Variants in DHX38 observed in about 807,000 individuals in gnomAD.
DHX38 encodes DEAH-box helicase 38, also known as pre-mRNA-splicing factor ATP-dependent RNA helicase PRP16.
A neutral mutation model predicts 153.1 loss-of-function variants in DHX38; 100 were observed. That is an observed-to-expected ratio of 0.65 (90% confidence interval 0.56 to 0.77). The LOEUF (loss-of-function observed/expected upper bound fraction) is 0.77, where lower values mean the gene tolerates loss of function less well. Ranked by LOEUF, DHX38 falls within the 30% of genes least tolerant of loss-of-function variation. The probability of loss-of-function intolerance (pLI) is 0.00; values close to 1 mark genes in which losing one functional copy is unlikely to be tolerated. For missense variants in DHX38, 1,440 were observed against 1,654.0 expected (o/e 0.87, Z 2.24); for synonymous variants, 650 against 631.7 (o/e 1.03, Z -0.43).
At chr16:72,098,455 T>C (rs754124913) in intron 4 of DHX38, among the ~76,000 whole-genome samples, 190 bp from the exon 5 acceptor site, 3 of 152,042 alleles carry the variant, frequency 2.0e-5, no homozygotes, top group Non-Finnish European at 2.9e-5. Context: ...AAAGGAAAAA[T>C]ACATCCTGGA....
rs1470105108 is a variant in DHX38 at position 72,098,994 on chromosome 16, G to T, written c.832G>T (p.Ala278Ser). 6.2e-7 allele frequency: 1 copy of T among 1,613,620 alleles called. No homozygotes were observed. ...PTPSYKYNEWADDRRHLGSTP... is the reference protein window; with the variant it reads ...PTPSYKYNEWSDDRRHLGSTP... ...TCCCTCCTACAAATATAACGAGTGG[G>T]CCGATGACAGAAGACACTTGGGGTC... Residue 278 changes from alanine to serine, a missense_variant, in exon 6 of 27, where the codon GCC (alanine) becomes TCC (serine). Ala to Ser is a moderately conservative substitution (Grantham distance 99). Coordinates refer to ENST00000268482, the MANE Select transcript of DHX38 (RefSeq NM_014003.4).
chr16:72,106,861 G>T (rs974152138), intron 19 of DHX38, among the ~76,000 whole-genome samples: 8 of 152,256 alleles, frequency 5.3e-5, no homozygotes, highest in African/African-American at 1.7e-4. Flanking sequence ...CTAGTCCCAG[G>T]CCCATTGGTT....
Position 72,097,707 on chromosome 16 carries a change from G to C in DHX38, c.542G>C (p.Arg181Thr). Residue 181 changes from arginine (R) to threonine (T), a missense_variant, in exon 4 of 27, where the codon AGA (arginine) becomes ACA (threonine). Physicochemically the swap from Arg to Thr is moderately conservative, Grantham distance 71. Transcript: ENST00000268482. ...CGGGATAGAAGTAGGCACAGCAGCA[G>C]ATCAGAGCGAGATGGAGGGTCAGAG... ...DERDRSRHSS[R>T]SERDGGSERS... 4 of 1,614,154 alleles carry C rather than the reference G, an allele frequency of 2.5e-6. No homozygotes were observed. The highest frequency in any genetic ancestry group is 3.4e-6 in the Non-Finnish European group (4 of 1,180,002).
intron 25 of DHX38, among the ~76,000 whole-genome samples, chr16:72,110,467 A>T (rs948367505): frequency 6.6e-6 from 1 of 152,118 alleles, no homozygotes; most frequent in African/African-American, 2.4e-5. Flanking sequence ...CTTCCCTGAT[A>T]GGTTTCCACT....
chr16:72,105,420 C>G, intron 17 of DHX38, 72 bp downstream of exon 17: 1 of 1,600,144 alleles, frequency 6.2e-7, no homozygotes, highest in Non-Finnish European at 8.6e-7. Flanking sequence ...TGTGACTGTC[C>G]TGGCAGGGGG....
intron 3 of DHX38, 31 bp downstream of exon 3, chr16:72,097,040 A>G (rs1275599159): frequency 3.2e-6 from 5 of 1,568,456 alleles, no homozygotes; most frequent in Non-Finnish European, 4.3e-6. Context: ...CCTATTGTCC[A>G]TTAGCATTCG....
intron 5 of DHX38, 25 bp from the exon 6 acceptor site, chr16:72,098,902 G>A (rs1453105743): frequency 1.2e-6 from 2 of 1,614,176 alleles, no homozygotes; most frequent in East Asian, 2.2e-5. Flanking sequence ...TGACAGTTTT[G>A]TGATGCTGGT....
At position 72,098,711 on chromosome 16, in the gene DHX38, C is replaced by T; in HGVS notation, c.683C>T (p.Ser228Leu). 6.2e-7 allele frequency: 1 copy of T among 1,613,986 alleles called. No individual in the cohort carries two copies. The highest frequency in any genetic ancestry group is 8.5e-7 in the Non-Finnish European group (1 of 1,179,996). The change falls in exon 5 of 27, where the codon TCA becomes TTA. Residue 228 changes from serine to leucine, a missense_variant. Physicochemically the swap from Ser to Leu is moderately radical, Grantham distance 145. Around this residue, in one of 6 missense-constraint regions of DHX38, gnomAD observed 483 missense variants for 465.1 expected, o/e 1.04. Transcript: ENST00000268482. Reference sequence around the variant, plus strand: ...AGTGGCTATGGCTCCTCAAGGCGCTCACAGTGGGAATCGCCCTCCCCGACG... The same window carrying T: ...AGTGGCTATGGCTCCTCAAGGCGCTTACAGTGGGAATCGCCCTCCCCGACG... ...EDSGYGSSRR[S>L]QWESPSPTPS... is the part of the protein sequence containing the mutation.
In DHX38 at chr16:72,103,640, G is replaced by A; in HGVS notation, c.1676G>A (p.Ser559Asn). The A allele has an allele frequency of 6.2e-7, 1 of 1,612,798 alleles. No individual in the cohort carries two copies. The highest frequency in any genetic ancestry group is 1.1e-5 in the South Asian group (1 of 91,074). Residue 559 changes from serine to asparagine, a missense_variant, in exon 13 of 27, where the codon AGT (serine) becomes AAT (asparagine). Coordinates refer to ENST00000268482, the MANE Select transcript of DHX38 (RefSeq NM_014003.4). Reference protein sequence around the residue: ...SIVIVVGETGSGKTTQLTQYL... With the variant: ...SIVIVVGETGNGKTTQLTQYL... ...GTGATCGTGGTTGGGGAGACGGGGA[G>A]TGGTAAGACCACTCAGCTGACGCAG...
chr16:72,102,905 G>A (rs1049891005), intron 11 of DHX38, among the ~76,000 whole-genome samples, 169 bp from the exon 12 acceptor site: 1 of 152,196 alleles, frequency 6.6e-6, no homozygotes, highest in Non-Finnish European at 1.5e-5. Flanking sequence ...TCAAGTAGCA[G>A]TTTCAGTCCT....
chr16:72,102,986 C>T, intron 11 of DHX38, 88 bp from the exon 12 acceptor site: 1 of 1,553,366 alleles, frequency 6.4e-7, no homozygotes, highest in South Asian at 1.2e-5. Context: ...AGTCCTCATT[C>T]CTGAGCGTAG....
Position 72,099,720 on chromosome 16 carries a change from C to T in DHX38, c.961-12C>T. On this transcript the variant is annotated splice_polypyrimidine_tract_variant and intron_variant, in intron 7 of 26. Coordinates refer to ENST00000268482, the MANE Select transcript of DHX38 (RefSeq NM_014003.4). ...TGTCCCTCACTCCCTTGCTTTGCCT[C>T]CTGCCCTGCAGCAAGCCGATCGGGA... The T allele has an allele frequency of 4.3e-6, 7 of 1,613,902 alleles. No homozygotes were observed. Among genetic ancestry groups the T allele is most frequent in the Non-Finnish European group, 5.1e-6 (6 of 1,179,880 alleles).
Position 72,104,251 on chromosome 16 carries a change from C to A in DHX38, c.2010+120C>A. The A allele has an allele frequency of 1.5e-6, 2 of 1,325,674 alleles. No individual in the cohort carries two copies. Among genetic ancestry groups the A allele is most frequent in the Non-Finnish European group, 2.0e-6 (2 of 977,816 alleles). 82.1% of individuals were successfully genotyped at this position (1,325,674 alleles called of 1,614,324 possible). A position where few individuals can be genotyped will look rare whatever the true frequency, so the allele number is the denominator to read the frequency against. On this transcript the variant is annotated intron_variant, in intron 14 of 26. Transcript: ENST00000268482. The surrounding 1 kb of genome is among the most constrained non-coding windows in gnomAD (Gnocchi z 4.5). ...TCTGGTAGGCCAGAGGTTCCTGAGG[C>A]CTCTGGTTGCAGTTCAGACTCGGGT...
At chr16:72,108,186 C>T (rs761420739) in intron 21 of DHX38, 41 bp from the exon 22 acceptor site, 3 of 1,603,536 alleles carry the variant, frequency 1.9e-6, no homozygotes, top group Non-Finnish European at 2.6e-6. Context: ...TGGGCCTGGA[C>T]CCCCCTGTAC....
At position 72,103,163 on chromosome 16, in the gene DHX38, A is replaced by G. The variant is rs764198658; in HGVS notation, c.1589A>G (p.Gln530Arg). ...AAGAAGTCCATCCTGGAGCAGAGGCAGTACCTGCCCATCTTTGCAGTGCAG... is the reference window on the plus strand; with the variant it reads ...AAGAAGTCCATCCTGGAGCAGAGGCGGTACCTGCCCATCTTTGCAGTGCAG... ...AKKKSILEQR[Q>R]YLPIFAVQQE... Residue 530 changes from glutamine to arginine, a missense_variant, in exon 12 of 27, where the codon CAG becomes CGG. This residue lies in a region of DHX38 where 241 missense variants were observed against 229.5 expected (regional missense o/e 1.05). Transcript: ENST00000268482. 1.2e-6 allele frequency: 2 copies of G among 1,614,258 alleles called. No homozygotes were observed. The highest frequency in any genetic ancestry group is 4.5e-5 in the East Asian group (2 of 44,892).
intron 18 of DHX38, 113 bp from the exon 19 acceptor site, chr16:72,105,892 C>G (rs1359129239): frequency 1.1e-6 from 1 of 948,984 alleles, no homozygotes; most frequent in South Asian, 1.5e-5. Context: ...ATTTCTAGAG[C>G]CTCCTGGCTC....
intron 18 of DHX38, 72 bp downstream of exon 18, chr16:72,105,696 G>C (rs1278340995): frequency 5.4e-6 from 8 of 1,474,928 alleles, no homozygotes; most frequent in Admixed American, 3.4e-5. Flanking sequence ...TGGGAAGCCA[G>C]GGCCTCGCTC....
chr16:72,102,577 G>A (rs2042115890), intron 11 of DHX38, among the ~76,000 whole-genome samples: 1 of 152,192 alleles, frequency 6.6e-6, no homozygotes, highest in Admixed American at 6.5e-5. Flanking sequence ...ACAGTTCTTT[G>A]AAAACAAAAC....
rs1200820767 is a variant in DHX38 at position 72,108,351 on chromosome 16, A to C, written c.3089A>C (p.Asp1030Ala). ...AATTACTCCACCATCTGGTGTAACG[A>C]TCATTTCATCCATGCTAAGGCCATG... ...NNNYSTIWCNDHFIHAKAMRK... is the reference protein window; with the variant it reads ...NNNYSTIWCNAHFIHAKAMRK... Residue 1030 changes from aspartate (D) to alanine (A), a missense_variant, in exon 22 of 27, where the codon GAT (aspartate) becomes GCT (alanine). Physicochemically the swap from Asp to Ala is moderately radical, Grantham distance 126. Transcript: ENST00000268482. 1 of 1,614,168 alleles carries C rather than the reference A, an allele frequency of 6.2e-7. No individual in the cohort carries two copies. The highest frequency in any genetic ancestry group is 8.5e-7 in the Non-Finnish European group (1 of 1,180,038).
Sources: allele counts gnomAD v4.1 joint callset (sites outside exome capture counted in the v4.1 genomes callset), GRCh38; gene constraint gnomAD v4.1.1; regional missense constraint gnomAD v4.1.1; non-coding constraint Gnocchi (gnomAD v3.1); transcripts MANE v1.5; gene names NCBI Gene and HGNC (gene_info 2026-07-23, HGNC 2026-07-21).